The following APLF variants were observed in gnomAD, a reference collection of about 807,000 sequenced individuals.
APLF encodes aprataxin and PNK-like factor.
In APLF, 61 loss-of-function variants were observed where a neutral mutation model predicts 55.6. The ratio of observed to expected loss-of-function variants is 1.10; its 90% CI spans 0.89 to 1.36. The LOEUF (loss-of-function observed/expected upper bound fraction) is 1.36. Among genes scored for constraint, APLF ranks in the 40% most tolerant of loss-of-function variants. The pLI is 0.00. For synonymous variants in APLF, 207 were observed against 214.8 expected (o/e 0.96, Z 0.32); for missense variants, 611 against 602.5 (o/e 1.01, Z -0.15).
At chr2:68,512,952 G>C (rs984227352) in intron 3 of APLF, 128 bp from the exon 4 acceptor site, 1 of 685,102 alleles carries the variant, frequency 1.5e-6, no homozygotes, top group Non-Finnish European at 2.4e-6. Context: ...ATATATTCTA[G>C]TATACTATAA....
At chr2:68,519,215 T>C (rs1417700676) in intron 5 of APLF, among the ~76,000 whole-genome samples, 3 of 140,416 alleles carry the variant, frequency 2.1e-5, no homozygotes, top group African/African-American at 7.8e-5. Flanking sequence ...ATATATTATC[T>C]ATATTTATTA....
At position 68,514,885 on chromosome 2, in the gene APLF, AT is replaced by A. The variant is rs530686412; in HGVS notation, c.622+1212del. ...AGTGCCTACAGATAGTTTGAAAAAT[AT>A]TTTTTTCCTGAATTTACAATGATTT... On this transcript the variant is annotated intron_variant, in intron 5 of 9. Transcript: ENST00000303795. Among the ~76,000 whole-genome samples, 8 of 151,772 alleles carry A rather than the reference AT, an allele frequency of 5.3e-5. No individual in the cohort carries two copies. In the East Asian group the frequency reaches 1.6e-3, roughly 29 times the overall value.
chr2:68,569,338 A>G (rs1485415155), intron 9 of APLF, among the ~76,000 whole-genome samples: 8 of 152,082 alleles, frequency 5.3e-5, no homozygotes, highest in African/African-American at 1.9e-4. Context: ...TTTTAAGTAA[A>G]AGTTGGCCTT....
chr2:68,518,306 ATAT>A (rs1448941104), intron 5 of APLF, among the ~76,000 whole-genome samples: 22 of 114,262 alleles, frequency 1.9e-4, no homozygotes, highest in African/African-American at 7.5e-4. Flanking sequence ...AATATATTAT[ATAT>A]TATTTAATAA....
At chr2:68,553,820 T>C (rs1208027807) in intron 8 of APLF, among the ~76,000 whole-genome samples, 1 of 152,146 alleles carries the variant, frequency 6.6e-6, no homozygotes, top group African/African-American at 2.4e-5. Context: ...AAAATTTGCC[T>C]TCACAAAACA....
intron 8 of APLF, among the ~76,000 whole-genome samples, chr2:68,562,023 A>T (rs1298852812): frequency 3.9e-5 from 6 of 152,072 alleles, no homozygotes; most frequent in Non-Finnish European, 5.9e-5. Context: ...GGTAAAGAAA[A>T]TGTGGTATAT....
At chr2:68,488,840 C>A (rs1265406410) in intron 1 of APLF, among the ~76,000 whole-genome samples, 1 of 152,020 alleles carries the variant, frequency 6.6e-6, no homozygotes, top group Non-Finnish European at 1.5e-5. Context: ...TGTTTTTAGC[C>A]TACTAAGGTA....
chr2:68,496,912 C>G (rs1217386790), intron 2 of APLF, among the ~76,000 whole-genome samples: 1 of 152,214 alleles, frequency 6.6e-6, no homozygotes, highest in Non-Finnish European at 1.5e-5. Flanking sequence ...CAAACTTTCT[C>G]TCATCTTCCT....
At chr2:68,558,893 C>T (rs1031528646) in intron 8 of APLF, among the ~76,000 whole-genome samples, 1 of 152,050 alleles carries the variant, frequency 6.6e-6, no homozygotes, top group Non-Finnish European at 1.5e-5. Context: ...TAAGTGAGAA[C>T]ATATGGTGTT....
chr2:68,564,173 G>A (rs541778888), intron 8 of APLF, among the ~76,000 whole-genome samples: 1 of 152,152 alleles, frequency 6.6e-6, no homozygotes, highest in East Asian at 1.9e-4. Context: ...CACCAGCATG[G>A]TCAGTAGGAA....
At chr2:68,558,186 C>T (rs952024087) in intron 8 of APLF, among the ~76,000 whole-genome samples, 2 of 151,942 alleles carry the variant, frequency 1.3e-5, no homozygotes, top group Non-Finnish European at 2.9e-5. Context: ...GAATGTCTTC[C>T]GTGGTTTTGT....
chr2:68,528,587 A>G, intron 6 of APLF: 1 of 1,534,038 alleles, frequency 6.5e-7, no homozygotes. Flanking sequence ...CCCCACCGTC[A>G]GCAAGCCTGG....
At chr2:68,553,697 A>G (rs1351374508) in intron 8 of APLF, among the ~76,000 whole-genome samples, 1 of 152,110 alleles carries the variant, frequency 6.6e-6, no homozygotes, top group Non-Finnish European at 1.5e-5. Context: ...AAATGGAAAG[A>G]TATGTATTCC....
intron 1 of APLF, among the ~76,000 whole-genome samples, chr2:68,481,854 A>G (rs1675968873): frequency 6.6e-6 from 1 of 151,886 alleles, no homozygotes; most frequent in Non-Finnish European, 1.5e-5. Flanking sequence ...AAGTTCGGAA[A>G]TTCTTCTGCT....
chr2:68,528,423 C>T, intron 6 of APLF: 1 of 1,534,370 alleles, frequency 6.5e-7, no homozygotes, highest in Non-Finnish European at 8.7e-7. Context: ...GGGGGCCTCT[C>T]ATCTCTCTCC....
Position 68,535,146 on chromosome 2 carries a change from T to A in APLF, c.805-2726T>A, listed in dbSNP as rs752411802. 2.2e-5 allele frequency: 6 copies of A among 271,576 alleles called. 1 individual carries two copies. In the South Asian group the frequency reaches 2.2e-4, roughly 10 times the overall value. The allele number at this position is 271,576 out of a possible 1,614,324, so 16.8% of individuals were successfully genotyped here. A position where few individuals can be genotyped will look rare whatever the true frequency, so the allele number is the denominator to read the frequency against. ...GAATAAGTTAACATGTTAAACCTAT[T>A]CCTTGTGAGGATTTAAAAATAAAAC... On this transcript the variant is annotated intron_variant, in intron 6 of 9. Transcript: ENST00000303795.
chr2:68,512,810 G>A (rs1669427428), intron 3 of APLF, among the ~76,000 whole-genome samples: 1 of 151,710 alleles, frequency 6.6e-6, no homozygotes, highest in Non-Finnish European at 1.5e-5. Context: ...TAAATAAAGA[G>A]CTCTTAAGCC....
Position 68,562,032 on chromosome 2 carries a change from A to G in APLF, c.1287-5309A>G, listed in dbSNP as rs1671181978. Among the ~76,000 whole-genome samples the G allele has an allele frequency of 2.0e-5, 3 of 152,210 alleles. No individual in the cohort carries two copies. The South Asian group carries it at 6.2e-4, about 32-fold the overall frequency. On this transcript the variant is annotated intron_variant, in intron 8 of 9. Coordinates refer to ENST00000303795, the MANE Select transcript of APLF (RefSeq NM_173545.3). ...TGAAGGGGTAAAGAAAATGTGGTAT[A>G]TATACACAATGGAATACAATTCAGC...
rs892545334 is a variant in APLF, at chr2:68,476,178, C to T, written c.96+8351C>T. On this transcript the variant is annotated intron_variant, in intron 1 of 9. Transcript: ENST00000303795. ...TTTTTGTGTGTATTATGCTCTTTCC[C>T]AATTTTGCAAGATTATATACTCAAT... Among the ~76,000 whole-genome samples the T allele has an allele frequency of 6.8e-4, 104 of 151,860 alleles. 1 individual carries two copies. The highest frequency in any genetic ancestry group is 2.3e-3 in the African/African-American group (96 of 41,438).
Sources: gnomAD v4.1 joint callset for allele counts (sites outside exome capture counted in the v4.1 genomes callset) on GRCh38, gnomAD v4.1.1 for gene constraint, MANE v1.5 for transcripts, NCBI Gene and HGNC (gene_info 2026-07-23, HGNC 2026-07-21) for gene names.